ARHGAP42: variants seen among roughly 807,000 people sequenced by gnomAD.
ARHGAP42 encodes rho GTPase-activating protein 42.
A neutral mutation model predicts 125.0 loss-of-function variants in ARHGAP42; 63 were observed. The ratio of observed to expected loss-of-function variants is 0.50; its 90% CI spans 0.41 to 0.62. The LOEUF is 0.62. ARHGAP42 is among the 20% of genes least tolerant of loss of function. ARHGAP42 has a pLI of 0.00. For missense variants in ARHGAP42, 766 were observed against 1,024.2 expected (o/e 0.75, Z 3.44); for synonymous variants, 339 against 351.0 (o/e 0.97, Z 0.38).
intron 16 of ARHGAP42, among the ~76,000 whole-genome samples, chr11:100,963,840 T>A (rs537219743): frequency 2.0e-5 from 3 of 152,338 alleles, no homozygotes; most frequent in African/African-American, 7.2e-5. Context: ...TTGTTCTTTT[T>A]ACTCTTAACC....
chr11:100,702,593 A>G (rs984390005), intron 1 of ARHGAP42, among the ~76,000 whole-genome samples: 8 of 151,612 alleles, frequency 5.3e-5, no homozygotes, highest in Admixed American at 6.6e-5. Context: ...GCAAAGTACA[A>G]TAAAATGAGG....
At position 100,933,258 on chromosome 11, in the gene ARHGAP42, A is replaced by C; in HGVS notation, c.700A>C (p.Asn234His). The change falls in exon 7 of 24, where the codon AAT becomes CAT. Residue 234 changes from asparagine (N) to histidine (H), a missense_variant and splice_region_variant. By Grantham distance (68) the Asn-to-His change is moderately conservative. Around this residue, in one of 3 missense-constraint regions of ARHGAP42, gnomAD observed 455 missense variants for 636.5 expected, o/e 0.71. Transcript: ENST00000298815. ...GCAACAGCTGCAGTTCAACTTGCAG[A>C]ATGTAAGAGTATACCTGTTCTTACT... ...YKQQLQFNLQ[N>H]TRNNFESTRQ... is the part of the protein sequence containing the mutation. 1 of 1,544,160 alleles carries C rather than the reference A, an allele frequency of 6.5e-7. No individual in the cohort carries two copies. Among genetic ancestry groups the C allele is most frequent in the Non-Finnish European group, 8.8e-7 (1 of 1,140,698 alleles).
chr11:100,732,475 G>A (rs1286352182), intron 1 of ARHGAP42, among the ~76,000 whole-genome samples: 1 of 152,138 alleles, frequency 6.6e-6, no homozygotes, highest in East Asian at 1.9e-4. Context: ...ACCAAAATTA[G>A]CCATATATTT....
intron 2 of ARHGAP42, among the ~76,000 whole-genome samples, chr11:100,788,550 A>G (rs1863489165): frequency 6.6e-6 from 1 of 152,176 alleles, no homozygotes. Flanking sequence ...GCAAGTGAGC[A>G]TCCGTGGAGC....
In ARHGAP42 at chr11:100,754,818, A is replaced by G. The variant is rs138845555; in HGVS notation, c.155-15525A>G. Among the ~76,000 whole-genome samples the G allele has an allele frequency of 9.5e-3, 1,444 of 152,340 alleles. 18 individuals are homozygous for G. Among genetic ancestry groups the G allele is most frequent in the African/African-American group, 0.033 (1,361 of 41,576 alleles). ...GTTAATGACGAGCCAAAATTTCATT[A>G]AAGTATATTTTTTACTTTATTCTGT... is the stretch of plus-strand genomic sequence containing the variant. On this transcript the variant is annotated intron_variant, in intron 1 of 23. Transcript: ENST00000298815.
chr11:100,855,467 A>G (rs1865301692), intron 3 of ARHGAP42, among the ~76,000 whole-genome samples: 2 of 152,110 alleles, frequency 1.3e-5, no homozygotes, highest in Admixed American at 6.6e-5. Flanking sequence ...TAAGTGTGGC[A>G]AGATTATCAG....
intron 3 of ARHGAP42, among the ~76,000 whole-genome samples, chr11:100,799,262 T>A (rs1265946939): frequency 6.6e-6 from 1 of 152,106 alleles, no homozygotes; most frequent in African/African-American, 2.4e-5. Flanking sequence ...CCACATTCAT[T>A]TAGGAAACAT....
intron 4 of ARHGAP42, among the ~76,000 whole-genome samples, chr11:100,909,341 G>GTTTT (rs71053157): frequency 7.3e-6 from 1 of 137,444 alleles, no homozygotes; most frequent in African/African-American, 2.7e-5. Flanking sequence ...GACTTTTCTT[G>GTTTT]TTTTTTTTTT....
chr11:100,898,615 T>C (rs1866428322), intron 4 of ARHGAP42, among the ~76,000 whole-genome samples: 1 of 152,242 alleles, frequency 6.6e-6, no homozygotes, highest in African/African-American at 2.4e-5. Context: ...TTTGATTTTC[T>C]AGTTTATTTG....
chr11:100,757,905 A>G (rs892251683), intron 1 of ARHGAP42, among the ~76,000 whole-genome samples: 19 of 152,202 alleles, frequency 1.2e-4, no homozygotes. Flanking sequence ...CATCTTATCC[A>G]AGAGAGTGGT....
chr11:100,754,024 C>G (rs1438763002), intron 1 of ARHGAP42, among the ~76,000 whole-genome samples: 1 of 152,218 alleles, frequency 6.6e-6, no homozygotes, highest in Admixed American at 6.5e-5. Context: ...CAGAGGCTGC[C>G]TCTAATCTGC....
At chr11:100,741,171 C>T (rs1339104338) in intron 1 of ARHGAP42, among the ~76,000 whole-genome samples, 1 of 152,156 alleles carries the variant, frequency 6.6e-6, no homozygotes, top group South Asian at 2.1e-4. Flanking sequence ...GTGGGGATTA[C>T]AGGCACCTGC....
chr11:100,876,472 TG>T (rs1865827036), intron 4 of ARHGAP42, among the ~76,000 whole-genome samples: 1 of 152,230 alleles, frequency 6.6e-6, no homozygotes, highest in Non-Finnish European at 1.5e-5. Context: ...CTAAATATGG[TG>T]GACAACCATC....
intron 1 of ARHGAP42, among the ~76,000 whole-genome samples, chr11:100,750,769 G>A (rs566418999): frequency 6.6e-6 from 1 of 152,134 alleles, no homozygotes; most frequent in Non-Finnish European, 1.5e-5. Flanking sequence ...ATCGAATATG[G>A]TTGCTTTATA....
chr11:100,777,691 A>T (rs1335372005), intron 2 of ARHGAP42, among the ~76,000 whole-genome samples: 1 of 152,204 alleles, frequency 6.6e-6, no homozygotes. Context: ...CTGCCATAAT[A>T]AATGCAGAAA....
At chr11:100,802,625 G>T (rs1863885622) in intron 3 of ARHGAP42, among the ~76,000 whole-genome samples, 1 of 73,988 alleles carries the variant, frequency 1.4e-5, no homozygotes, top group Admixed American at 1.7e-4. Flanking sequence ...TAGAGATGAG[G>T]TTTCACCCTG....
intron 1 of ARHGAP42, among the ~76,000 whole-genome samples, chr11:100,746,057 G>T (rs1862296737): frequency 6.6e-6 from 1 of 152,128 alleles, no homozygotes; most frequent in African/African-American, 2.4e-5. Context: ...AGGGTGAAAG[G>T]GATAGCCAGT....
chr11:100,808,627 G>T (rs976931465), intron 3 of ARHGAP42, among the ~76,000 whole-genome samples: 3 of 150,904 alleles, frequency 2.0e-5, no homozygotes, highest in Non-Finnish European at 4.4e-5. Flanking sequence ...GGATGGTCTC[G>T]ATCTCCTGAC....
intron 22 of ARHGAP42, among the ~76,000 whole-genome samples, chr11:100,980,377 CT>C (rs1858501778): frequency 6.6e-6 from 1 of 151,724 alleles, no homozygotes; most frequent in Admixed American, 6.6e-5. Flanking sequence ...AGATGGAGCC[CT>C]TTTATTAGGA....
Sources: gnomAD v4.1 joint callset for allele counts (sites outside exome capture counted in the v4.1 genomes callset) on GRCh38, gnomAD v4.1.1 for gene constraint, gnomAD v4.1.1 regional missense constraint, MANE v1.5 for transcripts, NCBI Gene and HGNC (gene_info 2026-07-23, HGNC 2026-07-21) for gene names.